Variants in FBP2 observed in about 807,000 individuals in gnomAD.
The protein encoded by FBP2 is fructose-bisphosphatase 2, also known as fructose-1,6-bisphosphatase isozyme 2.
In FBP2, 27 loss-of-function variants were observed where a neutral mutation model predicts 31.6. The ratio of observed to expected loss-of-function variants is 0.85; its 90% CI spans 0.63 to 1.18. The LOEUF is 1.18. Ranked by LOEUF, FBP2 falls within the 50% of genes most tolerant of loss-of-function variation. The pLI, the probability that FBP2 is intolerant of heterozygous loss-of-function variation, is 0.00. For synonymous variants in FBP2, 168 were observed against 179.8 expected (o/e 0.93, Z 0.53); for missense variants, 421 against 436.1 (o/e 0.97, Z 0.31).
intron 3 of FBP2, among the ~76,000 whole-genome samples, chr9:94,579,071 G>GAAAAAAAAAAAT (rs1564185245): frequency 4.6e-5 from 4 of 87,194 alleles, no homozygotes; most frequent in African/African-American, 2.0e-4. Context: ...AAAAAAAAAG[G>GAAAAAAAAAAAT]TTATTTTAAA....
At chr9:94,562,020 TC>T in intron 6 of FBP2, among the ~76,000 whole-genome samples, 1 of 152,220 alleles carries the variant, frequency 6.6e-6, no homozygotes, top group East Asian at 1.9e-4. Context: ...TCTAAGAATT[TC>T]CATGTCTTCG....
chr9:94,582,272 A>G (rs1030500700), intron 3 of FBP2, among the ~76,000 whole-genome samples: 1 of 152,214 alleles, frequency 6.6e-6, no homozygotes, highest in African/African-American at 2.4e-5. Context: ...ATGCATATTT[A>G]TTCAATACAC....
At chr9:94,589,442 C>T (rs1369532838) in intron 1 of FBP2, among the ~76,000 whole-genome samples, 2 of 152,206 alleles carry the variant, frequency 1.3e-5, no homozygotes, top group African/African-American at 4.8e-5. Context: ...ACCACACTCA[C>T]GGACTGGCTT....
At chr9:94,589,401 A>G (rs755777575) in intron 1 of FBP2, among the ~76,000 whole-genome samples, 1 of 152,164 alleles carries the variant, frequency 6.6e-6, no homozygotes, top group Non-Finnish European at 1.5e-5. Flanking sequence ...CCCACACACC[A>G]GAAACACCCC....
At chr9:94,580,664 G>A (rs901856460) in intron 3 of FBP2, among the ~76,000 whole-genome samples, 1 of 152,158 alleles carries the variant, frequency 6.6e-6, no homozygotes, top group Admixed American at 6.6e-5. Context: ...TTAAGTTTCT[G>A]ACTTTCTGCT....
At chr9:94,573,645 C>T (rs1387037854) in intron 3 of FBP2, among the ~76,000 whole-genome samples, 1 of 152,186 alleles carries the variant, frequency 6.6e-6, no homozygotes, top group Non-Finnish European at 1.5e-5. Flanking sequence ...ATTATGAATA[C>T]TGGATCAGTC....
At chr9:94,577,027 G>C (rs1459131086) in intron 3 of FBP2, among the ~76,000 whole-genome samples, 1 of 152,066 alleles carries the variant, frequency 6.6e-6, no homozygotes, top group Non-Finnish European at 1.5e-5. Context: ...TTGGCCAAAA[G>C]CACCCACAGC....
chr9:94,564,568 CCAAAT>C (rs1827158235), intron 5 of FBP2, among the ~76,000 whole-genome samples: 1 of 152,068 alleles, frequency 6.6e-6, no homozygotes, highest in South Asian at 2.1e-4. Context: ...AAATAGGAAA[CCAAAT>C]GCCACATGTT....
At chr9:94,581,569 G>A (rs933392761) in intron 3 of FBP2, among the ~76,000 whole-genome samples, 3 of 152,120 alleles carry the variant, frequency 2.0e-5, no homozygotes, top group African/African-American at 4.8e-5. Context: ...GGGTCCCATC[G>A]AGGAACATCA....
chr9:94,586,366 G>A (rs576209818), intron 2 of FBP2, among the ~76,000 whole-genome samples: 87 of 152,234 alleles, frequency 5.7e-4, no homozygotes, highest in African/African-American at 2.1e-3. Context: ...CCGGGCAGTA[G>A]AGCAAGACTC....
At chr9:94,591,335 T>C (rs1225296597) in intron 1 of FBP2, among the ~76,000 whole-genome samples, 3 of 152,186 alleles carry the variant, frequency 2.0e-5, no homozygotes, top group Admixed American at 6.5e-5. Flanking sequence ...GCAGCGCCAG[T>C]GGGCCAGCAC....
chr9:94,585,266 T>TA (rs367974634), intron 2 of FBP2, among the ~76,000 whole-genome samples: 32 of 151,524 alleles, frequency 2.1e-4, no homozygotes, highest in Non-Finnish European at 2.7e-4. Flanking sequence ...ATCCAATTTT[T>TA]TAAAAAAAAA....
chr9:94,569,419 CAA>C (rs1191920005), intron 4 of FBP2: 2 of 152,338 alleles, frequency 1.3e-5, no homozygotes, highest in South Asian at 4.2e-4. Context: ...TGCTTTCCAG[CAA>C]AGAGGATGGA....
At position 94,560,706 on chromosome 9, in the gene FBP2, A is replaced by T. The variant is rs1261161385; in HGVS notation, c.826-1574T>A. 4.1e-5 allele frequency among the ~76,000 whole-genome samples: 6 copies of T among 147,700 alleles called. No individual in the cohort carries two copies. The South Asian group carries it at 8.4e-4, about 21-fold the overall frequency. On this transcript the variant is annotated intron_variant, in intron 6 of 6. Coordinates refer to ENST00000375337, the MANE Select transcript of FBP2 (RefSeq NM_003837.4). ...TTCTATTTTTCTATTATATATTTAT[A>T]TGTTATTATATATTATATAATATAT...
At chr9:94,579,070 G>GAAAAA (rs1827347584) in intron 3 of FBP2, among the ~76,000 whole-genome samples, 4 of 27,170 alleles carry the variant, frequency 1.5e-4, no homozygotes, top group Non-Finnish European at 3.2e-4. Context: ...AAAAAAAAAA[G>GAAAAA]GTTATTTTAA....
At chr9:94,576,913 G>A (rs1827321644) in intron 3 of FBP2, among the ~76,000 whole-genome samples, 1 of 152,040 alleles carries the variant, frequency 6.6e-6, no homozygotes, top group African/African-American at 2.4e-5. Context: ...GGGGGGCATT[G>A]GAAACTGAGG....
intron 1 of FBP2, among the ~76,000 whole-genome samples, chr9:94,590,401 G>A (rs28621580): frequency 0.03 from 4,564 of 152,278 alleles, 227 homozygotes; most frequent in African/African-American, 0.1. Flanking sequence ...CATTCACGGA[G>A]CCCTTGCTAG....
chr9:94,591,614 G>C (rs539539237), intron 1 of FBP2, among the ~76,000 whole-genome samples: 1 of 152,244 alleles, frequency 6.6e-6, no homozygotes, highest in Non-Finnish European at 1.5e-5. Flanking sequence ...GGGCTGAAAG[G>C]CTCCTCAAAT....
rs562232905 is a variant in FBP2 at position 94,563,020 on chromosome 9, G to T, written c.825+322C>A. Among the ~76,000 whole-genome samples the T allele has an allele frequency of 7.2e-5, 11 of 152,344 alleles. No homozygotes were observed. The South Asian group carries it at 2.3e-3, about 32-fold the overall frequency. On this transcript the variant is annotated intron_variant, in intron 6 of 6. Coordinates refer to ENST00000375337, the MANE Select transcript of FBP2 (RefSeq NM_003837.4). ...CTATAGGGACCATCATCCCAGATCA[G>T]CTGGTGCTGAAGCTAAAAGTCAGAT...
Sources: gnomAD v4.1 joint callset for allele counts (sites outside exome capture counted in the v4.1 genomes callset) on GRCh38, gnomAD v4.1.1 for gene constraint, MANE v1.5 for transcripts, NCBI Gene and HGNC (gene_info 2026-07-23, HGNC 2026-07-21) for gene names.